Variants in PSMD6 observed in about 807,000 individuals in gnomAD.
The protein encoded by PSMD6 is proteasome 26S subunit, non-ATPase 6.
A neutral mutation model predicts 44.9 loss-of-function variants in PSMD6; 7 were observed. The observed-to-expected ratio is 0.16, with a 90% CI of 0.09 to 0.29. The LOEUF is 0.29. Ranked by LOEUF, PSMD6 falls within the 10% of genes least tolerant of loss-of-function variation. PSMD6 has a pLI of 1.00. For missense variants in PSMD6, 420 were observed against 482.6 expected (o/e 0.87, Z 1.21); for synonymous variants, 184 against 172.7 (o/e 1.07, Z -0.51).
chr3:64,021,917 A>T lies in PSMD6; in HGVS notation c.351+401T>A, dbSNP rs190117701. ...GAGTAAAGAAAGATAACAGAACTTC[A>T]GCATTTACTATACTGTTTCTTAGTT... On this transcript the variant is annotated intron_variant, in intron 2 of 7. Coordinates refer to ENST00000295901, the MANE Select transcript of PSMD6 (RefSeq NM_014814.3). Among the ~76,000 whole-genome samples the T allele has an allele frequency of 4.0e-3, 606 of 152,344 alleles. 20 individuals are homozygous for T. Among genetic ancestry groups the T allele is most frequent in the Admixed American group, 0.037 (564 of 15,300 alleles).
Position 64,018,711 on chromosome 3 carries a change from G to C in PSMD6, c.718-4C>G, listed in dbSNP as rs1218060799. 1.3e-6 allele frequency: 2 copies of C among 1,567,644 alleles called. No individual in the cohort carries two copies. Among genetic ancestry groups the C allele is most frequent in the East Asian group, 2.2e-5 (1 of 44,500 alleles). On this transcript the variant is annotated splice_polypyrimidine_tract_variant and splice_region_variant and intron_variant, in intron 4 of 7. Transcript: ENST00000295901. ...GAATCTCTGCTCCTTTAATGACCTAGGTATTTTAAAAAACATATATACAAA... is the reference window on the plus strand; with the variant it reads ...GAATCTCTGCTCCTTTAATGACCTACGTATTTTAAAAAACATATATACAAA...
intron 6 of PSMD6, chr3:64,011,488 G>GTAAC (rs2075949838): frequency 1.3e-5 from 2 of 148,336 alleles, no homozygotes; most frequent in Admixed American, 6.6e-5. Context: ...CATCTAAAAT[G>GTAAC]TAACTTTTTA....
rs2075920611 is a variant in PSMD6, at chr3:64,010,632, T to TATC, written c.*33_*35dup. On this transcript the variant is annotated 3_prime_UTR_variant, in exon 8 of 8. Coordinates refer to ENST00000295901, the MANE Select transcript of PSMD6 (RefSeq NM_014814.3). ...GTAAGCTATAAAAATTCCAAATAAT[T>TATC]ATCTCTAAAGCAAATCCTTTGTTAG... 1.4e-6 allele frequency: 2 copies of TATC among 1,470,966 alleles called. No homozygotes were observed. Among genetic ancestry groups the TATC allele is most frequent in the South Asian group, 2.4e-5 (2 of 82,770 alleles). The allele number at this position is 1,470,966 out of a possible 1,614,324, so 91.1% of individuals were successfully genotyped here.
chr3:64,010,650 T>C lies in PSMD6; in HGVS notation c.*18A>G, dbSNP rs199911104. ...AAATAATTATCTCTAAAGCAAATCC[T>C]TTGTTAGTTACATGGCTTTACATAT... On this transcript the variant is annotated 3_prime_UTR_variant, in exon 8 of 8. Coordinates refer to ENST00000295901, the MANE Select transcript of PSMD6 (RefSeq NM_014814.3). 5.0e-5 allele frequency: 76 copies of C among 1,530,342 alleles called. No homozygotes were observed. The highest frequency in any genetic ancestry group is 6.5e-5 in the Non-Finnish European group (72 of 1,113,402). The allele number at this position is 1,530,342 out of a possible 1,614,324, so 94.8% of individuals were successfully genotyped here. A position where few individuals can be genotyped will look rare whatever the true frequency, so the allele number is the denominator to read the frequency against.
At chr3:64,022,232 A>AT in intron 2 of PSMD6, 86 bp downstream of exon 2, 2 of 1,443,932 alleles carry the variant, frequency 1.4e-6, no homozygotes, top group Non-Finnish European at 1.9e-6. Flanking sequence ...AACGAAGTTA[A>AT]TTTTTTTAAT....
At chr3:64,015,197 T>C (rs911245097) in intron 5 of PSMD6, 3 of 152,180 alleles carry the variant, frequency 2.0e-5, no homozygotes, top group African/African-American at 7.2e-5. Flanking sequence ...GTGGGACAGG[T>C]TCTCTCAAAT....
Position 64,013,504 on chromosome 3 carries a change from T to C in PSMD6, c.930A>G (p.Ser310=), listed in dbSNP as rs774028533. Residue 310 remains serine (S), a synonymous_variant, in exon 6 of 8, where the codon TCA becomes TCG. Transcript: ENST00000295901. ...TATAGCCAAGGGTTAATGACCTATA[T>C]GATTCCAGCAGCTGACTGTATGCAT... ...RIHAYSQLLE[S]YRSLTLGYMA... The C allele has an allele frequency of 6.2e-7, 1 of 1,613,804 alleles. No homozygotes were observed. Among genetic ancestry groups the C allele is most frequent in the Non-Finnish European group, 8.5e-7 (1 of 1,179,846 alleles).
intron 5 of PSMD6, 40 bp from the exon 6 acceptor site, chr3:64,013,647 T>C (rs750225536): frequency 6.6e-7 from 1 of 1,521,808 alleles, no homozygotes; most frequent in Non-Finnish European, 8.8e-7. Flanking sequence ...AGACTCTCCG[T>C]TTCAGATAAA....
At chr3:64,023,668 C>T, upstream of PSMD6, 1 of 1,472,994 alleles carries the variant, frequency 6.8e-7, no homozygotes, top group South Asian at 1.4e-5. Flanking sequence ...GTGGGTGCAG[C>T]CCAACTCAAA....
At chr3:64,017,122 A>AGAT (rs2106860116) in intron 5 of PSMD6, 1 of 152,534 alleles carries the variant, frequency 6.6e-6, no homozygotes, top group South Asian at 2.1e-4. Flanking sequence ...GACATAAAGT[A>AGAT]GATCAGTGGT....
chr3:64,013,356 A>G (rs765407352), intron 6 of PSMD6, 83 bp downstream of exon 6: 17 of 1,352,160 alleles, frequency 1.3e-5, no homozygotes, highest in African/African-American at 3.0e-5. Flanking sequence ...GAACCAATGT[A>G]AACAAGTAAA....
intron 5 of PSMD6, 163 bp from the exon 6 acceptor site, chr3:64,013,770 T>C (rs1227253523): frequency 3.4e-6 from 2 of 580,990 alleles, no homozygotes; most frequent in Non-Finnish European, 5.5e-6. Context: ...GCAACAGCAG[T>C]GATAAAGGAG....
intron 5 of PSMD6, among the ~76,000 whole-genome samples, chr3:64,017,978 G>T (rs577824795): frequency 2.0e-5 from 3 of 152,108 alleles, no homozygotes; most frequent in Admixed American, 2.0e-4. Flanking sequence ...GGGACAAGAG[G>T]GAGAAACAAG....
Position 64,018,898 on chromosome 3 carries a change from G to C in PSMD6, c.637C>G (p.Leu213Val). The change falls in exon 4 of 8, where the codon CTC becomes GTC. Residue 213 changes from leucine (L) to valine (V), a missense_variant. Around this residue, in one of 4 missense-constraint regions of PSMD6, gnomAD observed 216 missense variants for 227.0 expected, o/e 0.95. Coordinates refer to ENST00000295901, the MANE Select transcript of PSMD6 (RefSeq NM_014814.3). The part of the protein sequence containing the change: ...DTVSTFTSYE[L>V]MDYKTFVTYT... The stretch of plus-strand genomic sequence containing the variant: ...GTCACAAATGTTTTATAATCCATGA[G>C]TTCATAGGATGTAAATGTTGAAACA... 6.3e-7 allele frequency: 1 copy of C among 1,597,542 alleles called. No homozygotes were observed. The highest frequency in any genetic ancestry group is 8.6e-7 in the Non-Finnish European group (1 of 1,165,016).
At position 64,018,672 on chromosome 3, in the gene PSMD6, G is replaced by A. The variant is rs1413918639; in HGVS notation, c.753C>T (p.His251=). Residue 251 remains histidine, a synonymous_variant, in exon 5 of 8, where the codon CAC becomes CAT. Transcript: ENST00000295901. ...IKGAEILEVL[H]SLPAVRQYLF... The stretch of plus-strand genomic sequence containing the variant: ...GATACTGCCGAACTGCTGGAAGACT[G>A]TGCAACACTTCAAGAATCTCTGCTC... 1.2e-6 allele frequency: 2 copies of A among 1,605,860 alleles called. No homozygotes were observed. Among genetic ancestry groups the A allele is most frequent in the South Asian group, 2.2e-5 (2 of 90,850 alleles).
At chr3:64,021,221 T>G (rs2076124854) in intron 2 of PSMD6, among the ~76,000 whole-genome samples, 1 of 152,038 alleles carries the variant, frequency 6.6e-6, no homozygotes, top group South Asian at 2.1e-4. Context: ...AAACAACACA[T>G]ATGTCCAACA....
In PSMD6 at chr3:64,019,041, T is replaced by C. The variant is rs372460105; in HGVS notation, c.498-4A>G. On this transcript the variant is annotated splice_region_variant and splice_polypyrimidine_tract_variant and intron_variant, in intron 3 of 7. Coordinates refer to ENST00000295901, the MANE Select transcript of PSMD6 (RefSeq NM_014814.3). Reference sequence around the variant, plus strand: ...GTCTCCTCCTTCTTCTATTAAGCTATGAAATAAAAACAGTAAGATCATAGT... The same window carrying C: ...GTCTCCTCCTTCTTCTATTAAGCTACGAAATAAAAACAGTAAGATCATAGT... The C allele has an allele frequency of 1.4e-4, 216 of 1,588,982 alleles. No individual in the cohort carries two copies. The highest frequency in any genetic ancestry group is 2.5e-4 in the South Asian group (23 of 90,454).
chr3:64,018,514 G>C (rs1576033576), intron 5 of PSMD6, 85 bp downstream of exon 5: 1 of 969,736 alleles, frequency 1.0e-6, no homozygotes, highest in East Asian at 2.6e-5. Context: ...TTCTCAGATA[G>C]GTGAAAAATC....
intron 1 of PSMD6, chr3:64,022,997 C>T: frequency 1.4e-6 from 2 of 1,422,266 alleles, no homozygotes; most frequent in South Asian, 3.0e-5. Flanking sequence ...TACTCTGTGC[C>T]TAGCACAGGG....
Sources: gnomAD v4.1 joint callset for allele counts (sites outside exome capture counted in the v4.1 genomes callset) on GRCh38, gnomAD v4.1.1 for gene constraint, gnomAD v4.1.1 regional missense constraint, MANE v1.5 for transcripts, NCBI Gene and HGNC (gene_info 2026-07-23, HGNC 2026-07-21) for gene names.